The following GALNT17 variants were observed in gnomAD, a reference collection of about 807,000 sequenced individuals.
The protein encoded by GALNT17 is UDP-GalNAc:polypeptide N-acetylgalactosaminyltransferase-like 3.
A neutral mutation model predicts 63.7 loss-of-function variants in GALNT17; 29 were observed. That is an observed-to-expected ratio of 0.46 (90% CI 0.34 to 0.62). The LOEUF (loss-of-function observed/expected upper bound fraction) is 0.62. Ranked by LOEUF, GALNT17 falls within the 20% of genes least tolerant of loss-of-function variation. The probability of loss-of-function intolerance (pLI) is 0.01; values close to 1 mark genes in which losing one functional copy is unlikely to be tolerated. For synonymous variants in GALNT17, 305 were observed against 318.3 expected (o/e 0.96, Z 0.45); for missense variants, 603 against 799.6 (o/e 0.75, Z 2.97).
intron 3 of GALNT17, among the ~76,000 whole-genome samples, chr7:71,412,307 G>A (rs117409490): frequency 0.078 from 11,832 of 152,004 alleles, 605 homozygotes; most frequent in Middle Eastern, 0.14. Context: ...GTTCCACAAC[G>A]TGTGGTTCTA....
At chr7:71,345,150 T>G (rs77047723) in intron 2 of GALNT17, among the ~76,000 whole-genome samples, 9 of 151,090 alleles carry the variant, frequency 6.0e-5, no homozygotes, top group South Asian at 2.1e-4. Context: ...GTTTTTTGTT[T>G]TTTTTTTTTG....
intron 5 of GALNT17, among the ~76,000 whole-genome samples, chr7:71,560,295 G>A (rs1789235179): frequency 6.6e-6 from 1 of 151,628 alleles, no homozygotes; most frequent in South Asian, 2.1e-4. Flanking sequence ...TCTCAGTGAT[G>A]TGCTCCTATC....
At chr7:71,544,745 G>A (rs764765992) in intron 5 of GALNT17, among the ~76,000 whole-genome samples, 1 of 152,118 alleles carries the variant, frequency 6.6e-6, no homozygotes, top group Admixed American at 6.6e-5. Flanking sequence ...AAGGGATGCA[G>A]TAGAGAGGAA....
At chr7:71,194,999 C>T (rs1322701774) in intron 1 of GALNT17, among the ~76,000 whole-genome samples, 1 of 152,184 alleles carries the variant, frequency 6.6e-6, no homozygotes, top group Non-Finnish European at 1.5e-5. Flanking sequence ...CTGCCTAGCA[C>T]CTAGCTTTGG....
intron 1 of GALNT17, among the ~76,000 whole-genome samples, chr7:71,193,189 C>T (rs542725031): frequency 6.6e-6 from 1 of 152,082 alleles, no homozygotes; most frequent in African/African-American, 2.4e-5. Flanking sequence ...GCCTTGACCT[C>T]CCGGGCTCAA....
chr7:71,266,615 C>T (rs1562958681), intron 1 of GALNT17, among the ~76,000 whole-genome samples: 1 of 152,166 alleles, frequency 6.6e-6, no homozygotes, highest in African/African-American at 2.4e-5. Flanking sequence ...AGAGATTGGA[C>T]TAATACATCT....
At chr7:71,416,962 G>A (rs1276380308) in intron 4 of GALNT17, among the ~76,000 whole-genome samples, 1 of 152,126 alleles carries the variant, frequency 6.6e-6, no homozygotes, top group Non-Finnish European at 1.5e-5. Flanking sequence ...AAAGAGTGAG[G>A]CCACAAAAAT....
chr7:71,709,875 G>A (rs539907489), intron 9 of GALNT17, among the ~76,000 whole-genome samples: 8 of 152,120 alleles, frequency 5.3e-5, no homozygotes, highest in Non-Finnish European at 8.8e-5. Flanking sequence ...CTGGGATCAC[G>A]GGCATGAGCC....
chr7:71,557,163 A>G (rs1388742198), intron 5 of GALNT17, among the ~76,000 whole-genome samples: 1 of 151,554 alleles, frequency 6.6e-6, no homozygotes, highest in Non-Finnish European at 1.5e-5. Context: ...AAGCTCTAGG[A>G]TTACAGGCGT....
At chr7:71,197,093 G>C (rs568768285) in intron 1 of GALNT17, among the ~76,000 whole-genome samples, 2 of 151,528 alleles carry the variant, frequency 1.3e-5, no homozygotes, top group East Asian at 1.9e-4. Flanking sequence ...CCATCCTCTC[G>C]AGCATTTATC....
chr7:71,584,960 T>G (rs1471512842), intron 6 of GALNT17, among the ~76,000 whole-genome samples: 1 of 152,138 alleles, frequency 6.6e-6, no homozygotes, highest in Non-Finnish European at 1.5e-5. Context: ...CTTCTCACCT[T>G]TATTAATTTC....
At chr7:71,619,839 GGA>G (rs960657040) in intron 6 of GALNT17, among the ~76,000 whole-genome samples, 1 of 152,120 alleles carries the variant, frequency 6.6e-6, no homozygotes, top group African/African-American at 2.4e-5. Flanking sequence ...GAATAGGAGT[GGA>G]GAGAGTGGGT....
At chr7:71,503,622 C>A (rs1788217528) in intron 5 of GALNT17, among the ~76,000 whole-genome samples, 2 of 152,150 alleles carry the variant, frequency 1.3e-5, no homozygotes, top group Non-Finnish European at 2.9e-5. Flanking sequence ...ACCTGAAATT[C>A]AATGTAGCCA....
At chr7:71,147,573 C>G (rs1262084633) in intron 1 of GALNT17, among the ~76,000 whole-genome samples, 1 of 152,170 alleles carries the variant, frequency 6.6e-6, no homozygotes, top group Non-Finnish European at 1.5e-5. Flanking sequence ...CAGATTGACA[C>G]TCAGTATTAA....
chr7:71,174,533 T>C (rs1788601861), intron 1 of GALNT17, among the ~76,000 whole-genome samples: 1 of 152,194 alleles, frequency 6.6e-6, no homozygotes. Context: ...GCAGGCCGGC[T>C]GAGTCCCAAA....
intron 5 of GALNT17, among the ~76,000 whole-genome samples, chr7:71,560,971 C>T (rs573957622): frequency 5.3e-5 from 8 of 152,256 alleles, no homozygotes; most frequent in African/African-American, 1.7e-4. Context: ...AAAGAATTCA[C>T]CGTTGCTGAT....
chr7:71,345,143 T>G (rs545882632), intron 2 of GALNT17, among the ~76,000 whole-genome samples: 40 of 116,506 alleles, frequency 3.4e-4, no homozygotes, highest in African/African-American at 1.4e-3. Flanking sequence ...TGTTGTTGTT[T>G]TTTGTTTTTT....
intron 2 of GALNT17, among the ~76,000 whole-genome samples, chr7:71,347,250 A>T (rs1792112494): frequency 6.6e-6 from 1 of 152,180 alleles, no homozygotes; most frequent in African/African-American, 2.4e-5. Context: ...AAGAGCCTGG[A>T]TTCAGAAATC....
chr7:71,669,230 T>TTC (rs771463184), intron 7 of GALNT17, among the ~76,000 whole-genome samples: 21 of 152,100 alleles, frequency 1.4e-4, no homozygotes, highest in Non-Finnish European at 2.8e-4. Context: ...TAAACCACCC[T>TTC]TCTGGCCGGG....
Sources: allele counts gnomAD v4.1 joint callset (sites outside exome capture counted in the v4.1 genomes callset), GRCh38; gene constraint gnomAD v4.1.1; transcripts MANE v1.5; gene names NCBI Gene and HGNC (gene_info 2026-07-23, HGNC 2026-07-21).